Variants in TBCD observed in about 807,000 individuals in gnomAD.
The protein encoded by TBCD is tubulin folding cofactor D, also known as tubulin-specific chaperone D.
Under a neutral mutation model 169.3 loss-of-function variants are expected in TBCD, and 105 were observed. The observed-to-expected ratio is 0.62, with a 90% confidence interval of 0.53 to 0.73. TBCD has a LOEUF of 0.73. Among genes scored for constraint, TBCD ranks in the 30% least tolerant of loss-of-function variants. The pLI, the probability that TBCD is intolerant of heterozygous loss-of-function variation, is 0.00. For missense variants in TBCD, 1,444 were observed against 1,600.1 expected (o/e 0.90, Z 1.66); for synonymous variants, 700 against 643.9 (o/e 1.09, Z -1.32).
At chr17:82,940,638 C>G (rs1188062982) in intron 37 of TBCD, among the ~76,000 whole-genome samples, 2 of 152,166 alleles carry the variant, frequency 1.3e-5, no homozygotes, top group Non-Finnish European at 2.9e-5. Context: ...GTGTCTGCTC[C>G]TAAACAAACA....
chr17:82,831,989 C>A lies in TBCD; in HGVS notation c.1318+17055C>A, dbSNP rs1325648888. ...GGAACAAATGCAGAAGGCCGAGCTGCGCCTTCCAGAGCAGGCTGGGCACCG... is the reference window on the plus strand; with the variant it reads ...GGAACAAATGCAGAAGGCCGAGCTGAGCCTTCCAGAGCAGGCTGGGCACCG... On this transcript the variant is annotated intron_variant, in intron 13 of 38. Transcript: ENST00000355528. This position sits in a 1 kb window ranked among gnomAD's most constrained non-coding sequence, Gnocchi z 4.6. 1.9e-6 allele frequency: 3 copies of A among 1,613,148 alleles called. No homozygotes were observed. The East Asian group carries it at 6.7e-5, about 36-fold the overall frequency.
At chr17:82,871,150 C>T (rs868002396) in intron 14 of TBCD, among the ~76,000 whole-genome samples, 45 of 150,976 alleles carry the variant, frequency 3.0e-4, no homozygotes, top group South Asian at 1.0e-3. Flanking sequence ...GTGTCCAGTG[C>T]GCGCACCCAG....
intron 14 of TBCD, among the ~76,000 whole-genome samples, chr17:82,883,626 C>T (rs1478644316): frequency 6.6e-6 from 1 of 152,190 alleles, no homozygotes; most frequent in Non-Finnish European, 1.5e-5. Flanking sequence ...CCTCTGGGCA[C>T]GGTGGGTGTT....
intron 15 of TBCD, among the ~76,000 whole-genome samples, chr17:82,887,175 GCGCGCACGTGCGCTCA>G (rs1268717852): frequency 1.6e-4 from 11 of 68,850 alleles, no homozygotes; most frequent in African/African-American, 7.6e-4. Flanking sequence ...GTGTGCGCGC[GCGCGCACGTGCGCTCA>G]CGCGTTTACT....
chr17:82,763,992 T>C lies in TBCD; in HGVS notation c.263T>C (p.Ile88Thr), dbSNP rs759330567. Residue 88 changes from isoleucine (I) to threonine (T), a missense_variant, in exon 3 of 39, where the codon ATA becomes ACA. Ile to Thr is a moderately conservative substitution (Grantham distance 89, BLOSUM62 -1). Transcript: ENST00000355528. ...LEWMMNLLLD[I>T]VQDQTSPASL... ...TGGATGATGAACTTGTTGTTGGACA[T>C]AGTGCAAGATCAGACATCTCCAGCT... 1.9e-6 allele frequency: 3 copies of C among 1,613,898 alleles called. No homozygotes were observed. The highest frequency in any genetic ancestry group is 2.2e-5 in the East Asian group (1 of 44,864).
At chr17:82,788,399 G>A (rs749333967) in intron 7 of TBCD, among the ~76,000 whole-genome samples, 7 of 152,096 alleles carry the variant, frequency 4.6e-5, no homozygotes, top group East Asian at 1.9e-4. Context: ...GGGAGGCGGC[G>A]GCGGGGCTGG....
intron 13 of TBCD, among the ~76,000 whole-genome samples, chr17:82,862,008 C>T (rs1010042086): frequency 7.2e-5 from 11 of 151,894 alleles, no homozygotes; most frequent in African/African-American, 1.5e-4. Context: ...CTGCAACCTC[C>T]GCCTCCCAGG....
At chr17:82,845,710 T>G (rs920024454) in intron 13 of TBCD, among the ~76,000 whole-genome samples, 1 of 152,226 alleles carries the variant, frequency 6.6e-6, no homozygotes, top group Non-Finnish European at 1.5e-5. Flanking sequence ...GACTCAAGTC[T>G]TGGCTCTTCC....
At chr17:82,867,572 G>A (rs891279411) in intron 13 of TBCD, among the ~76,000 whole-genome samples, 2 of 152,226 alleles carry the variant, frequency 1.3e-5, no homozygotes, top group Non-Finnish European at 1.5e-5. Context: ...TGAGCAGTGC[G>A]AGAAGGCTCA....
chr17:82,861,959 GGCTGGAGT>G (rs561906914), intron 13 of TBCD, among the ~76,000 whole-genome samples: 22 of 151,156 alleles, frequency 1.5e-4, no homozygotes, highest in Admixed American at 1.5e-3. Flanking sequence ...CTGTCGCCCA[GGCTGGAGT>G]GCTGGAGTGC....
chr17:82,937,606 GC>G (rs201907847), intron 35 of TBCD: 3 of 598,470 alleles, frequency 5.0e-6, no homozygotes, highest in South Asian at 2.1e-5. Context: ...CTCTGCCCTG[GC>G]GGGAGGGGAG....
intron 5 of TBCD, among the ~76,000 whole-genome samples, chr17:82,768,919 T>C (rs1598411787): frequency 6.6e-6 from 1 of 152,166 alleles, no homozygotes; most frequent in Admixed American, 6.6e-5. Flanking sequence ...AACTAGAAAA[T>C]AAAGATAAGC....
At chr17:82,809,895 GAAGC>G in intron 12 of TBCD, 113 bp downstream of exon 12, 1 of 955,738 alleles carries the variant, frequency 1.0e-6, no homozygotes, top group South Asian at 1.6e-5. Flanking sequence ...CAGAACTCCA[GAAGC>G]TCTTTTTTCC....
chr17:82,861,331 ACGT>A (rs2056744583), intron 13 of TBCD, among the ~76,000 whole-genome samples: 2 of 9,576 alleles, frequency 2.1e-4, no homozygotes, highest in Non-Finnish European at 4.6e-4. Context: ...ATTCCACCTC[ACGT>A]CAGCCGCTGG....
intron 38 of TBCD, chr17:82,941,810 AC>A (rs1214676289): frequency 2.2e-5 from 8 of 362,296 alleles, no homozygotes; most frequent in African/African-American, 1.1e-4. Flanking sequence ...GTGCCACCCT[AC>A]CCCTCCTCAT....
intron 6 of TBCD, among the ~76,000 whole-genome samples, chr17:82,775,373 G>A (rs1326706303): frequency 6.6e-6 from 1 of 152,060 alleles, no homozygotes; most frequent in African/African-American, 2.4e-5. Flanking sequence ...CGGTTCCCTC[G>A]ACACCTCCCA....
intron 18 of TBCD, among the ~76,000 whole-genome samples, chr17:82,902,150 T>C (rs1439843018): frequency 1.3e-5 from 2 of 152,204 alleles, no homozygotes; most frequent in Non-Finnish European, 2.9e-5. Flanking sequence ...TCCTAATGTA[T>C]TGACCCTTTA....
intron 2 of TBCD, among the ~76,000 whole-genome samples, chr17:82,756,782 C>G (rs1276934703): frequency 1.3e-5 from 2 of 152,050 alleles, no homozygotes; most frequent in East Asian, 3.9e-4. Context: ...CTGGCCTCCT[C>G]AAGTGTTTTT....
intron 13 of TBCD, among the ~76,000 whole-genome samples, chr17:82,868,775 G>A (rs1008697903): frequency 5.9e-5 from 9 of 152,242 alleles, no homozygotes; most frequent in Admixed American, 2.0e-4. Flanking sequence ...TAATGTATCT[G>A]ATGACAGTTG....
Sources: allele counts gnomAD v4.1 joint callset (sites outside exome capture counted in the v4.1 genomes callset), GRCh38; gene constraint gnomAD v4.1.1; non-coding constraint Gnocchi (gnomAD v3.1); transcripts MANE v1.5; gene names NCBI Gene and HGNC (gene_info 2026-07-23, HGNC 2026-07-21).